Variants in SPDL1 observed in about 807,000 individuals in gnomAD.
SPDL1 encodes the protein protein Spindly.
A neutral mutation model predicts 79.5 loss-of-function variants in SPDL1; 85 were observed. The ratio of observed to expected loss-of-function variants is 1.07; its 90% CI spans 0.90 to 1.28. The LOEUF (loss-of-function observed/expected upper bound fraction) is 1.28. Among genes scored for constraint, SPDL1 ranks in the 50% most tolerant of loss-of-function variants. The pLI is 0.00. For synonymous variants in SPDL1, 269 were observed against 240.3 expected, an observed-to-expected ratio of 1.12 and a Z score of -1.10; for missense variants, 703 against 697.8, an observed-to-expected ratio of 1.01 and a Z score of -0.08.
rs1755708957 is a variant in SPDL1, at chr5:169,598,471, T to C, written c.1033-5T>C. On this transcript the variant is annotated splice_region_variant and splice_polypyrimidine_tract_variant and intron_variant, in intron 8 of 11. Transcript: ENST00000265295. ...TTAAGTAATACAAACTTTTGCTTTT[T>C]TAAGAATTTATATGACAGTATGGAA... 23 of 1,601,926 alleles carry C rather than the reference T, an allele frequency of 1.4e-5. No individual in the cohort carries two copies. The East Asian group carries it at 5.1e-4, about 36-fold the overall frequency.
At chr5:169,593,823 T>C (rs1336183011) in intron 4 of SPDL1, among the ~76,000 whole-genome samples, 1 of 152,184 alleles carries the variant, frequency 6.6e-6, no homozygotes, top group Non-Finnish European at 1.5e-5. Context: ...CCAGATTTTA[T>C]CGTAAGAGCC....
chr5:169,585,200 G>C (rs931735814), intron 1 of SPDL1, among the ~76,000 whole-genome samples: 1 of 152,090 alleles, frequency 6.6e-6, no homozygotes, highest in South Asian at 2.1e-4. Context: ...CCTTCTACGC[G>C]CTGCCCCCCA....
At chr5:169,596,959 A>G (rs1268371790) in intron 8 of SPDL1, among the ~76,000 whole-genome samples, 1 of 152,176 alleles carries the variant, frequency 6.6e-6, no homozygotes, top group Non-Finnish European at 1.5e-5. Context: ...AGGGACAGAA[A>G]AGAAAAATCT....
chr5:169,585,129 C>T (rs1754924513), intron 1 of SPDL1, among the ~76,000 whole-genome samples: 1 of 152,122 alleles, frequency 6.6e-6, no homozygotes, highest in South Asian at 2.1e-4. Context: ...TTAACTCTTT[C>T]TCATCCATTA....
intron 8 of SPDL1, 52 bp downstream of exon 8, chr5:169,596,753 T>G (rs1282692709): frequency 4.8e-6 from 7 of 1,462,290 alleles, no homozygotes; most frequent in Non-Finnish European, 6.4e-6. Context: ...TTGAATATCT[T>G]AAAATTTGGT....
rs866933995 is a variant in SPDL1 at position 169,601,433 on chromosome 5, G to C, written c.1478G>C (p.Ser493Thr). 2 of 1,614,054 alleles carry C rather than the reference G, an allele frequency of 1.2e-6. No individual in the cohort carries two copies. Among genetic ancestry groups the C allele is most frequent in the Non-Finnish European group, 1.7e-6 (2 of 1,180,004 alleles). The change falls in exon 11 of 12, where the codon AGT becomes ACT. Residue 493 changes from serine to threonine, a missense_variant. Physicochemically the swap from Ser to Thr is moderately conservative, Grantham distance 58. Transcript: ENST00000265295. ...GAGGAGACACAGTCCTGCCCTAACA[G>C]TTTAGAAGATAACAACTTGCAATTA... The part of the protein sequence containing the change: ...QKEETQSCPN[S>T]LEDNNLQLEK...
chr5:169,591,738 G>C (rs921654541), intron 3 of SPDL1, among the ~76,000 whole-genome samples: 1 of 152,238 alleles, frequency 6.6e-6, no homozygotes, highest in African/African-American at 2.4e-5. Flanking sequence ...AAGAGCCAGT[G>C]TTTAGACAGA....
At chr5:169,596,768 T>G in intron 8 of SPDL1, 67 bp downstream of exon 8, 1 of 1,342,280 alleles carries the variant, frequency 7.5e-7, no homozygotes, top group Non-Finnish European at 1.0e-6. Flanking sequence ...TTTGGTTTGT[T>G]TTTTAAGTTT....
intron 10 of SPDL1, 115 bp from the exon 11 acceptor site, chr5:169,601,165 G>T: frequency 2.4e-6 from 2 of 820,388 alleles, no homozygotes; most frequent in Non-Finnish European, 3.8e-6. Context: ...TGAGGAGATG[G>T]TTGCATTTTA....
chr5:169,598,038 G>A (rs1755680772), intron 8 of SPDL1, among the ~76,000 whole-genome samples: 1 of 151,974 alleles, frequency 6.6e-6, no homozygotes, highest in Non-Finnish European at 1.5e-5. Flanking sequence ...CCTGGGGTGG[G>A]GGGAAGAATC....
At chr5:169,594,543 A>C in intron 6 of SPDL1, 28 bp from the exon 7 acceptor site, 1 of 1,611,662 alleles carries the variant, frequency 6.2e-7, no homozygotes, top group African/African-American at 1.3e-5. Flanking sequence ...TTACTACCAG[A>C]ACAATTAAGC....
intron 1 of SPDL1, among the ~76,000 whole-genome samples, chr5:169,585,066 C>T (rs538160444): frequency 1.3e-5 from 2 of 152,082 alleles, no homozygotes; most frequent in Admixed American, 1.3e-4. Context: ...ATGTCTGTCA[C>T]ACATTAGTAG....
rs754663785 is a variant in SPDL1, at chr5:169,588,694, G to T, written c.159+119G>T. ...TCTGAAGATTTTAGATCTAGTTCCC[G>T]CCCTGCCCCGTCCCTGTTAAAAAAG... is the stretch of plus-strand genomic sequence containing the variant. On this transcript the variant is annotated intron_variant, in intron 2 of 11. Coordinates refer to ENST00000265295, the MANE Select transcript of SPDL1 (RefSeq NM_017785.5). The T allele has an allele frequency of 6.4e-5, 52 of 817,184 alleles. No homozygotes were observed. The Admixed American group carries it at 6.8e-4, about 11-fold the overall frequency. 50.6% of individuals were successfully genotyped at this position (817,184 alleles called of 1,614,324 possible).
intron 4 of SPDL1, 21 bp downstream of exon 4, chr5:169,593,569 T>G (rs772103339): frequency 6.5e-7 from 1 of 1,526,916 alleles, no homozygotes; most frequent in Non-Finnish European, 8.8e-7. Flanking sequence ...TGGCATGTGT[T>G]TCTCAGGGTT....
intron 11 of SPDL1, 27 bp downstream of exon 11, chr5:169,601,652 G>T (rs1755930242): frequency 3.1e-6 from 5 of 1,593,346 alleles, no homozygotes; most frequent in South Asian, 1.1e-5. Flanking sequence ...CCTCCAGGCA[G>T]CCAGCAGACC....
At chr5:169,601,193 A>G in intron 10 of SPDL1, 87 bp from the exon 11 acceptor site, 3 of 1,147,104 alleles carry the variant, frequency 2.6e-6, no homozygotes, top group South Asian at 1.6e-5. Context: ...GGAAAAAGGT[A>G]TACATATAAC....
chr5:169,584,502 G>A (rs1319686925), intron 1 of SPDL1, among the ~76,000 whole-genome samples: 1 of 152,092 alleles, frequency 6.6e-6, no homozygotes, highest in East Asian at 1.9e-4. Flanking sequence ...GATTAGGTGG[G>A]TGTTATTGTG....
chr5:169,597,914 A>G (rs1338553490), intron 8 of SPDL1, among the ~76,000 whole-genome samples: 1 of 152,132 alleles, frequency 6.6e-6, no homozygotes, highest in African/African-American at 2.4e-5. Context: ...AATCAGGGGA[A>G]TTTTATTTAT....
intron 7 of SPDL1, among the ~76,000 whole-genome samples, 177 bp from the exon 8 acceptor site, chr5:169,596,379 CAAAAT>C (rs1755578342): frequency 6.6e-6 from 1 of 151,870 alleles, no homozygotes; most frequent in South Asian, 2.1e-4. Context: ...CATAAGTAGT[CAAAAT>C]AAGTATTCAA....
Sources: gnomAD v4.1 joint callset for allele counts (sites outside exome capture counted in the v4.1 genomes callset) on GRCh38, gnomAD v4.1.1 for gene constraint, MANE v1.5 for transcripts, NCBI Gene and HGNC (gene_info 2026-07-23, HGNC 2026-07-21) for gene names.